EYS: variants seen among roughly 807,000 people sequenced by gnomAD.
The protein encoded by EYS is protein eyes shut homolog.
EYS carries 250 observed loss-of-function variants against 282.1 expected under a neutral mutation model. The observed-to-expected ratio is 0.89, with a 90% CI of 0.80 to 0.98. The LOEUF (loss-of-function observed/expected upper bound fraction) is 0.98, where lower values mean the gene tolerates loss of function less well. Among genes scored for constraint, EYS ranks in the 50% least tolerant of loss-of-function variants. The pLI, the probability that EYS is intolerant of heterozygous loss-of-function variation, is 0.00. For missense variants in EYS, 4,016 were observed against 3,709.0 expected (o/e 1.08, Z -2.15); for synonymous variants, 1,355 against 1,282.9 (o/e 1.06, Z -1.20).
chr6:64,839,586 T>C (rs1232113631), intron 19 of EYS, among the ~76,000 whole-genome samples: 1 of 152,066 alleles, frequency 6.6e-6, no homozygotes, highest in Non-Finnish European at 1.5e-5. Context: ...TCTCCTAATA[T>C]GTACTGTCTT....
intron 19 of EYS, among the ~76,000 whole-genome samples, chr6:64,855,883 T>A (rs932300829): frequency 6.6e-6 from 1 of 152,194 alleles, no homozygotes; most frequent in Admixed American, 6.5e-5. Context: ...TCTTTCCAGA[T>A]TGGCCTTCTT....
intron 30 of EYS, among the ~76,000 whole-genome samples, chr6:64,300,257 C>A (rs1022361147): frequency 6.6e-6 from 1 of 152,124 alleles, no homozygotes; most frequent in Non-Finnish European, 1.5e-5. Flanking sequence ...GCTCATGACA[C>A]CCCAGGCCGA....
At chr6:65,140,276 C>A in intron 12 of EYS, among the ~76,000 whole-genome samples, 1 of 150,494 alleles carries the variant, frequency 6.6e-6, no homozygotes, top group Admixed American at 6.6e-5. Context: ...ATGGAAAAGG[C>A]AGAGGAAAGA....
At chr6:65,549,609 G>C (rs1768525508) in intron 2 of EYS, among the ~76,000 whole-genome samples, 1 of 152,124 alleles carries the variant, frequency 6.6e-6, no homozygotes, top group Non-Finnish European at 1.5e-5. Context: ...ACACAGAGAA[G>C]GGCTTATATT....
intron 30 of EYS, among the ~76,000 whole-genome samples, chr6:64,250,653 G>A (rs1342733700): frequency 6.6e-6 from 1 of 152,164 alleles, no homozygotes; most frequent in East Asian, 1.9e-4. Flanking sequence ...ATTACTGTGA[G>A]GAATCACAAA....
At chr6:65,610,082 A>T (rs1234870011) in intron 2 of EYS, among the ~76,000 whole-genome samples, 1 of 151,720 alleles carries the variant, frequency 6.6e-6, no homozygotes, top group Admixed American at 6.6e-5. Context: ...CATTTTTTTT[A>T]TTTTTTGTAG....
chr6:64,239,539 C>T (rs901971476), intron 30 of EYS, among the ~76,000 whole-genome samples: 15 of 151,532 alleles, frequency 9.9e-5, no homozygotes, highest in Non-Finnish European at 1.9e-4. Flanking sequence ...TTGTTGGCTG[C>T]ATAAATGTCT....
At chr6:64,841,063 C>T (rs985417278) in intron 19 of EYS, among the ~76,000 whole-genome samples, 2 of 151,976 alleles carry the variant, frequency 1.3e-5, no homozygotes, top group Admixed American at 6.6e-5. Context: ...TTTCTAATCA[C>T]TCTTCATCAT....
chr6:64,273,277 C>G (rs75508952), intron 30 of EYS, among the ~76,000 whole-genome samples: 2,704 of 152,200 alleles, frequency 0.018, 44 homozygotes, highest in Non-Finnish European at 0.026. Flanking sequence ...GAGACGGTCA[C>G]ACATGTTAAG....
chr6:65,463,153 A>G (rs1203610897), intron 5 of EYS, among the ~76,000 whole-genome samples: 1 of 151,918 alleles, frequency 6.6e-6, no homozygotes, highest in Non-Finnish European at 1.5e-5. Context: ...GTCAAAATTA[A>G]AGTCTTTCAG....
At chr6:63,922,929 G>C (rs776262659) in intron 35 of EYS, among the ~76,000 whole-genome samples, 63 of 152,262 alleles carry the variant, frequency 4.1e-4, no homozygotes, top group Non-Finnish European at 7.8e-4. Context: ...AAATACTGAC[G>C]TTGTGACTTT....
intron 18 of EYS, among the ~76,000 whole-genome samples, chr6:64,901,312 A>G (rs1187055203): frequency 6.7e-6 from 1 of 149,100 alleles, no homozygotes; most frequent in Non-Finnish European, 1.5e-5. Flanking sequence ...ATATATATAT[A>G]TATAGGCAGA....
At chr6:65,513,288 G>A (rs1766972401) in intron 2 of EYS, among the ~76,000 whole-genome samples, 1 of 152,036 alleles carries the variant, frequency 6.6e-6, no homozygotes. Flanking sequence ...TGAAATTGTG[G>A]CAATAATCAA....
intron 5 of EYS, among the ~76,000 whole-genome samples, chr6:65,459,049 T>C (rs187388570): frequency 1.2e-4 from 18 of 152,236 alleles, no homozygotes; most frequent in Non-Finnish European, 1.8e-4. Context: ...TTCTAAAAAA[T>C]GCTTTTATAT....
chr6:65,301,623 C>T (rs1326699630), intron 11 of EYS, among the ~76,000 whole-genome samples: 2 of 152,252 alleles, frequency 1.3e-5, no homozygotes, highest in Admixed American at 6.5e-5. Context: ...TCAAACTCCA[C>T]ATACAGAAAG....
At chr6:65,663,561 G>T (rs1768080400) in intron 1 of EYS, among the ~76,000 whole-genome samples, 2 of 152,172 alleles carry the variant, frequency 1.3e-5, no homozygotes, top group Non-Finnish European at 1.5e-5. Flanking sequence ...AACCAAATGG[G>T]TTCATTGGCC....
At chr6:64,788,246 T>C (rs1292680175) in intron 22 of EYS, among the ~76,000 whole-genome samples, 1 of 152,156 alleles carries the variant, frequency 6.6e-6, no homozygotes, top group African/African-American at 2.4e-5. Context: ...GCTGTTTCAG[T>C]AATACCTCCA....
intron 37 of EYS, among the ~76,000 whole-genome samples, chr6:63,796,981 G>A (rs1000884217): frequency 2.6e-5 from 4 of 152,288 alleles, no homozygotes; most frequent in South Asian, 2.1e-4. Flanking sequence ...ACAGAATGGC[G>A]CTTGATTACT....
At chr6:64,626,060 A>G (rs1204993919) in intron 23 of EYS, 61 bp downstream of exon 23, 3 of 1,010,242 alleles carry the variant, frequency 3.0e-6, no homozygotes, top group Non-Finnish European at 4.4e-6. Flanking sequence ...GTCCATATAC[A>G]TTTACATAAA....
Sources: allele counts gnomAD v4.1 joint callset (sites outside exome capture counted in the v4.1 genomes callset), GRCh38; gene constraint gnomAD v4.1.1; transcripts MANE v1.5; gene names NCBI Gene and HGNC (gene_info 2026-07-23, HGNC 2026-07-21).